TRAPPC9: variants seen among roughly 807,000 people sequenced by gnomAD.
TRAPPC9 encodes the protein IKK2 binding protein.
Under a neutral mutation model 124.0 loss-of-function variants are expected in TRAPPC9, and 83 were observed. That is an observed-to-expected ratio of 0.67 (90% CI 0.56 to 0.80). The LOEUF is 0.80. Among genes scored for constraint, TRAPPC9 ranks in the 30% least tolerant of loss-of-function variants. The pLI is 0.00. For synonymous variants in TRAPPC9, 638 were observed against 617.5 expected, an observed-to-expected ratio of 1.03 and a Z score of -0.49; for missense variants, 1,302 against 1,508.3, an observed-to-expected ratio of 0.86 and a Z score of 2.27.
intron 21 of TRAPPC9, among the ~76,000 whole-genome samples, chr8:139,856,907 G>T (rs1221721145): frequency 6.6e-6 from 1 of 152,182 alleles, no homozygotes; most frequent in Non-Finnish European, 1.5e-5. Context: ...CTAAGCTGCT[G>T]CTGTGAACCT....
At chr8:139,849,163 G>A (rs1432749554) in intron 21 of TRAPPC9, among the ~76,000 whole-genome samples, 2 of 152,176 alleles carry the variant, frequency 1.3e-5, no homozygotes, top group Non-Finnish European at 2.9e-5. Flanking sequence ...CTTCGTCTAG[G>A]ATACCTGGAG....
intron 21 of TRAPPC9, among the ~76,000 whole-genome samples, chr8:139,774,192 G>A (rs887550094): frequency 1.3e-5 from 2 of 152,224 alleles, no homozygotes; most frequent in African/African-American, 4.8e-5. Context: ...AAGTCGGCAT[G>A]GGCTGAGCAG....
At position 140,434,130 on chromosome 8, in the gene TRAPPC9, A is replaced by G. The variant is rs761149599; in HGVS notation, c.859+982T>C. The stretch of plus-strand genomic sequence containing the variant: ...ATGAAGTGGCCAATGGGAAACTTCT[A>G]GTGGGTATTTAGACCCAAGAAGATT... On this transcript the variant is annotated intron_variant, in intron 4 of 22. Transcript: ENST00000438773. Among the ~76,000 whole-genome samples the G allele has an allele frequency of 9.9e-5, 15 of 152,212 alleles. 1 individual carries two copies. The highest frequency in any genetic ancestry group is 3.6e-4 in the African/African-American group (15 of 41,452).
chr8:140,409,889 C>T (rs1393377326), intron 5 of TRAPPC9, among the ~76,000 whole-genome samples: 1 of 152,162 alleles, frequency 6.6e-6, no homozygotes, highest in Non-Finnish European at 1.5e-5. Flanking sequence ...ATAACCCCAG[C>T]ACTTTGGGAG....
intron 19 of TRAPPC9, among the ~76,000 whole-genome samples, chr8:139,975,304 C>A (rs1719654085): frequency 6.6e-6 from 1 of 152,236 alleles, no homozygotes; most frequent in Admixed American, 6.5e-5. Context: ...GGTTCTGTGA[C>A]TTCCCTGAAC....
chr8:140,175,937 C>CA (rs1290075668), intron 17 of TRAPPC9, among the ~76,000 whole-genome samples: 3 of 152,206 alleles, frequency 2.0e-5, no homozygotes, highest in Non-Finnish European at 4.4e-5. Flanking sequence ...ATGTGCATGC[C>CA]AGACATCGGG....
intron 21 of TRAPPC9, among the ~76,000 whole-genome samples, chr8:139,750,355 C>G (rs1258259984): frequency 6.6e-6 from 1 of 152,234 alleles, no homozygotes; most frequent in Admixed American, 6.5e-5. Context: ...CAGGCCTCAG[C>G]AGGCTCAGGT....
intron 21 of TRAPPC9, among the ~76,000 whole-genome samples, chr8:139,844,834 G>A (rs78560302): frequency 0.037 from 5,561 of 152,296 alleles, 131 homozygotes; most frequent in Non-Finnish European, 0.041. Context: ...TTACAAATGC[G>A]ATGCCTTTGC....
chr8:139,787,533 C>T (rs1406513169), intron 21 of TRAPPC9, among the ~76,000 whole-genome samples: 1 of 152,166 alleles, frequency 6.6e-6, no homozygotes, highest in Non-Finnish European at 1.5e-5. Context: ...ACCCTGCAGA[C>T]GCTTTCAAAG....
chr8:140,283,180 G>A (rs755339722), intron 14 of TRAPPC9, among the ~76,000 whole-genome samples: 1 of 151,604 alleles, frequency 6.6e-6, no homozygotes, highest in Non-Finnish European at 1.5e-5. Flanking sequence ...GGAGGTTGCA[G>A]TGAGTCGAGA....
chr8:140,344,033 C>G (rs993793780), intron 9 of TRAPPC9, among the ~76,000 whole-genome samples: 2 of 152,050 alleles, frequency 1.3e-5, no homozygotes, highest in East Asian at 1.9e-4. Context: ...CTGTGTCCCC[C>G]CAAATTCACG....
intron 17 of TRAPPC9, among the ~76,000 whole-genome samples, chr8:140,134,594 A>C (rs1283142874): frequency 2.0e-5 from 3 of 152,110 alleles, no homozygotes; most frequent in Non-Finnish European, 4.4e-5. Flanking sequence ...TGCAATGAGG[A>C]AATAATAGTC....
At chr8:139,737,937 A>C (rs1818308606) in intron 21 of TRAPPC9, among the ~76,000 whole-genome samples, 1 of 152,168 alleles carries the variant, frequency 6.6e-6, no homozygotes, top group South Asian at 2.1e-4. Context: ...CAGCTTCTCC[A>C]GGGCCCTTCC....
At chr8:139,772,831 AGAG>A (rs143056452) in intron 21 of TRAPPC9, among the ~76,000 whole-genome samples, 3,509 of 152,346 alleles carry the variant, frequency 0.023, 129 homozygotes, top group African/African-American at 0.078. Flanking sequence ...TGTCATTATA[AGAG>A]GAGATTAAAA....
At chr8:140,289,061 GA>G (rs1415734737) in intron 12 of TRAPPC9, among the ~76,000 whole-genome samples, 1 of 152,212 alleles carries the variant, frequency 6.6e-6, no homozygotes, top group African/African-American at 2.4e-5. Context: ...AGAAGTGCTG[GA>G]AAGCGAGGGT....
chr8:140,369,545 G>A lies in TRAPPC9; in HGVS notation c.1351+1419C>T, dbSNP rs781024407. On this transcript the variant is annotated intron_variant, in intron 8 of 22. Transcript: ENST00000438773. ...ATAATGTTTAATTCAACGTTGGGGAGAGCCCTAACTATCAGAATTATCCAA... is the reference window on the plus strand; with the variant it reads ...ATAATGTTTAATTCAACGTTGGGGAAAGCCCTAACTATCAGAATTATCCAA... Among the ~76,000 whole-genome samples the A allele has an allele frequency of 5.9e-5, 9 of 152,176 alleles. No individual in the cohort carries two copies. The South Asian group carries it at 6.2e-4, about 11-fold the overall frequency.
chr8:139,814,916 A>C (rs1177325687), intron 21 of TRAPPC9, among the ~76,000 whole-genome samples: 1 of 152,190 alleles, frequency 6.6e-6, no homozygotes, highest in Non-Finnish European at 1.5e-5. Flanking sequence ...TAGCTCCTTG[A>C]GGACAGACAT....
chr8:140,426,051 A>G (rs538975555), intron 5 of TRAPPC9, among the ~76,000 whole-genome samples: 1 of 152,364 alleles, frequency 6.6e-6, no homozygotes, highest in African/African-American at 2.4e-5. Context: ...TTCATTTTGT[A>G]TTATTTACCC....
intron 21 of TRAPPC9, among the ~76,000 whole-genome samples, chr8:139,877,588 G>C (rs994917122): frequency 3.3e-5 from 5 of 152,172 alleles, no homozygotes; most frequent in African/African-American, 1.2e-4. Context: ...CTCTGCAGCA[G>C]GAACACACTC....
Sources: allele counts gnomAD v4.1 joint callset (sites outside exome capture counted in the v4.1 genomes callset), GRCh38; gene constraint gnomAD v4.1.1; transcripts MANE v1.5; gene names NCBI Gene and HGNC (gene_info 2026-07-23, HGNC 2026-07-21).